The following OTOA variants were observed in gnomAD, a reference collection of about 807,000 sequenced individuals.
The protein encoded by OTOA is cancer/testis antigen 108.
In OTOA, 70 loss-of-function variants were observed where a neutral mutation model predicts 110.8. The ratio of observed to expected loss-of-function variants is 0.63; its 90% confidence interval spans 0.52 to 0.77. The LOEUF (loss-of-function observed/expected upper bound fraction) is 0.77, where lower values mean the gene tolerates loss of function less well. Ranked by LOEUF, OTOA falls within the 30% of genes least tolerant of loss-of-function variation. The pLI, the probability that OTOA is intolerant of heterozygous loss-of-function variation, is 0.00. For synonymous variants in OTOA, 373 were observed against 431.5 expected, an observed-to-expected ratio of 0.86 and a Z score of 1.68; for missense variants, 917 against 1,075.8, an observed-to-expected ratio of 0.85 and a Z score of 2.06.
chr16:21,705,027 A>G (rs1172003998), intron 11 of OTOA, 142 bp from the exon 12 acceptor site: 1 of 1,347,888 alleles, frequency 7.4e-7, no homozygotes, highest in African/African-American at 1.4e-5. Flanking sequence ...GGTTCATCTG[A>G]GGATGTTCAG....
chr16:21,734,650 G>A (rs567759638), intron 21 of OTOA, among the ~76,000 whole-genome samples: 2 of 152,018 alleles, frequency 1.3e-5, no homozygotes, highest in East Asian at 1.9e-4. Flanking sequence ...TCCTGGCTAA[G>A]AGGGTGAAAC....
intron 9 of OTOA, among the ~76,000 whole-genome samples, chr16:21,697,167 G>A (rs181374683): frequency 6.0e-5 from 9 of 150,920 alleles, no homozygotes; most frequent in Non-Finnish European, 7.4e-5. Context: ...CAGGTGCCTG[G>A]CCAGAAAGAA....
chr16:21,731,365 A>G lies in OTOA; in HGVS notation c.2301+435A>G, dbSNP rs1262086624. On this transcript the variant is annotated intron_variant, in intron 21 of 28. Transcript: ENST00000646100. ...TGGGCATGACGCTTTTCTAGGAGTA[A>G]GGCTCCAGAAGTTAGACAGTCTAGA... Among the ~76,000 whole-genome samples, 3 of 152,210 alleles carry G rather than the reference A, an allele frequency of 2.0e-5. No homozygotes were observed. The South Asian group carries it at 6.2e-4, about 32-fold the overall frequency.
At chr16:21,680,794 A>G (rs1421251395) in intron 5 of OTOA, among the ~76,000 whole-genome samples, 2 of 149,310 alleles carry the variant, frequency 1.3e-5, no homozygotes, top group African/African-American at 2.5e-5. Context: ...CGGAGGTTGC[A>G]GTGAGCTGAG....
intron 13 of OTOA, among the ~76,000 whole-genome samples, chr16:21,711,233 G>A (rs557060078): frequency 9.7e-4 from 147 of 152,202 alleles, no homozygotes; most frequent in African/African-American, 3.4e-3. Flanking sequence ...AAGTAATTGC[G>A]GTTTTTGCCA....
intron 1 of OTOA, among the ~76,000 whole-genome samples, chr16:21,664,598 T>C (rs1021690027): frequency 6.6e-6 from 1 of 152,166 alleles, no homozygotes; most frequent in Non-Finnish European, 1.5e-5. Context: ...TGCATTCTTA[T>C]ATGTGCCAGT....
chr16:21,728,318 CA>C lies in OTOA; in HGVS notation c.2095del (p.Arg699GlyfsTer29). 1 of 1,614,184 alleles carries C rather than the reference CA, an allele frequency of 6.2e-7. No individual in the cohort carries two copies. The highest frequency in any genetic ancestry group is 1.1e-5 in the South Asian group (1 of 91,090). ...LCHLPAAIID[R>X]GISPRAWATA... ...GTCACTTGCCGGCAGCCATCATCGACAGGGGGATCTCCCCCAGGGCTTGGGC... is the reference window on the plus strand; with the variant it reads ...GTCACTTGCCGGCAGCCATCATCGACGGGGGATCTCCCCCAGGGCTTGGGC... On this transcript the variant is annotated frameshift_variant, in exon 20 of 29. Coordinates refer to ENST00000646100, the MANE Select transcript of OTOA (RefSeq NM_144672.4). LOFTEE classifies it high-confidence loss of function.
At position 21,728,941 on chromosome 16, in the gene OTOA, A is replaced by G. The variant is rs544059523; in HGVS notation, c.2207+510A>G. On this transcript the variant is annotated intron_variant, in intron 20 of 28. Transcript: ENST00000646100. Reference sequence around the variant, plus strand: ...CAATAGTAGCTGCCCTAAAAATCTCAAAGAGTTGTTTCTTACACAGCTTGG... The same window carrying G: ...CAATAGTAGCTGCCCTAAAAATCTCGAAGAGTTGTTTCTTACACAGCTTGG... Among the ~76,000 whole-genome samples the G allele has an allele frequency of 2.6e-5, 4 of 152,206 alleles. No homozygotes were observed. In the South Asian group the frequency reaches 8.3e-4, roughly 32 times the overall value.
rs753359371 is a variant in OTOA at position 21,687,414 on chromosome 16, A to G, written c.401A>G (p.Asp134Gly). The change falls in exon 8 of 29, where the codon GAC becomes GGC. Residue 134 changes from aspartate to glycine, a missense_variant and splice_region_variant. Asp to Gly is a moderately conservative substitution (Grantham distance 94). Around this residue, in one of 6 missense-constraint regions of OTOA, gnomAD observed 840 missense variants for 910.2 expected, o/e 0.92. Coordinates refer to ENST00000646100, the MANE Select transcript of OTOA (RefSeq NM_144672.4). ...CCCTGGCTTCTGTCATTGCTTTAGG[A>G]CCTGAAAGACATCATCATCGACTTA... ...CLLEDKKDGL[D>G]LKDIIIDLGE... The G allele has an allele frequency of 1.7e-5, 27 of 1,613,698 alleles. No individual in the cohort carries two copies. The Admixed American group carries it at 4.5e-4, about 27-fold the overall frequency.
At chr16:21,727,022 T>G (rs1274387538) in intron 19 of OTOA, 3 of 262,006 alleles carry the variant, frequency 1.1e-5, no homozygotes, top group South Asian at 4.2e-5. Flanking sequence ...GTTTTTTTTT[T>G]TTTTTTTTTT....
At chr16:21,669,316 G>A (rs1966846034) in intron 1 of OTOA, among the ~76,000 whole-genome samples, 2 of 151,806 alleles carry the variant, frequency 1.3e-5, no homozygotes, top group African/African-American at 4.8e-5. Flanking sequence ...GCACTCCAGC[G>A]TGCGTGACAG....
chr16:21,729,040 CTA>C (rs758124505), intron 20 of OTOA, among the ~76,000 whole-genome samples: 1 of 134,078 alleles, frequency 7.5e-6, no homozygotes, highest in Non-Finnish European at 1.7e-5. Flanking sequence ...AGTTTAAAGA[CTA>C]TTTTTTTTTT....
chr16:21,671,416 G>T (rs574666436), intron 1 of OTOA, among the ~76,000 whole-genome samples: 1 of 151,636 alleles, frequency 6.6e-6, no homozygotes, highest in South Asian at 2.1e-4. Context: ...GTGGGAGCCT[G>T]TCTCTACTAA....
intron 12 of OTOA, among the ~76,000 whole-genome samples, chr16:21,706,624 C>G (rs959864305): frequency 6.6e-6 from 1 of 152,096 alleles, no homozygotes; most frequent in Non-Finnish European, 1.5e-5. Context: ...CCAGTCAAGT[C>G]TCAATTCTAC....
intron 11 of OTOA, among the ~76,000 whole-genome samples, chr16:21,703,908 A>T (rs1898102598): frequency 6.6e-6 from 1 of 152,140 alleles, no homozygotes; most frequent in African/African-American, 2.4e-5. Context: ...CATGTTTATT[A>T]TGATGTGCTA....
At chr16:21,694,858 G>C (rs1897899833) in intron 9 of OTOA, among the ~76,000 whole-genome samples, 1 of 152,084 alleles carries the variant, frequency 6.6e-6, no homozygotes, top group Non-Finnish European at 1.5e-5. Flanking sequence ...CCCTCTGCCT[G>C]GTGCATAATT....
intron 11 of OTOA, 81 bp from the exon 12 acceptor site, chr16:21,705,088 C>G: frequency 6.2e-7 from 1 of 1,604,912 alleles, no homozygotes; most frequent in Non-Finnish European, 8.5e-7. Context: ...AACAACTCAC[C>G]ATTTTATTAC....
Position 21,715,034 on chromosome 16 carries a change from TCAGCACCCAGGC to T in OTOA, c.1372_1383del (p.Ser458_Ala461del). On this transcript the variant is annotated inframe_deletion, in exon 14 of 29. Coordinates refer to ENST00000646100, the MANE Select transcript of OTOA (RefSeq NM_144672.4). ...CAGATGGGCGCACTGCTGGCTGGGG[TCAGCACCCAGGC>T]CTTCTGCAGCATGAAACGCAAGGAC... The T allele has an allele frequency of 6.2e-7, 1 of 1,614,192 alleles. No individual in the cohort carries two copies. The highest frequency in any genetic ancestry group is 8.5e-7 in the Non-Finnish European group (1 of 1,180,014).
chr16:21,681,813 C>T lies in OTOA; in HGVS notation c.255C>T (p.Ile85=), dbSNP rs371085958. The change falls in exon 6 of 29, where the codon ATC becomes ATT. Residue 85 remains isoleucine (I), a synonymous_variant. Coordinates refer to ENST00000646100, the MANE Select transcript of OTOA (RefSeq NM_144672.4). ...ATTCCCGGAATGTTGCCTTCACCAT[C>T]CCCAGCCTGCAGGTGTGTACCTGAG... is the stretch of plus-strand genomic sequence containing the variant. The part of the protein sequence containing the change: ...YLNSRNVAFT[I]PSLQAAVENH... The T allele has an allele frequency of 8.7e-6, 14 of 1,613,764 alleles. No individual in the cohort carries two copies. The African/African-American group carries it at 1.7e-4, about 20-fold the overall frequency.
Sources: gnomAD v4.1 joint callset for allele counts (sites outside exome capture counted in the v4.1 genomes callset) on GRCh38, gnomAD v4.1.1 for gene constraint, gnomAD v4.1.1 regional missense constraint, MANE v1.5 for transcripts, NCBI Gene and HGNC (gene_info 2026-07-23, HGNC 2026-07-21) for gene names.